F10: variants seen among roughly 807,000 people sequenced by gnomAD.
F10 encodes Stuart-Prower factor.
In F10, 29 loss-of-function variants were observed where a neutral mutation model predicts 37.1. The ratio of observed to expected loss-of-function variants is 0.78; its 90% confidence interval spans 0.58 to 1.07. The LOEUF (loss-of-function observed/expected upper bound fraction) is 1.07, where lower values mean the gene tolerates loss of function less well. Among genes scored for constraint, F10 ranks in the 50% least tolerant of loss-of-function variants. The pLI, the probability that F10 is intolerant of heterozygous loss-of-function variation, is 0.00. For missense variants in F10, 539 were observed against 667.9 expected, an observed-to-expected ratio of 0.81 and a Z score of 2.13; for synonymous variants, 262 against 268.6, an observed-to-expected ratio of 0.98 and a Z score of 0.24.
rs1024026347 is a variant in F10 at position 113,143,289 on chromosome 13, T to C, written c.503-562T>C. ...AGCTTCCTAACATCTCGGCGTGGCC[T>C]CTCTGGGAGCTGTGCTATTCCAGAC... On this transcript the variant is annotated intron_variant, in intron 5 of 7. Coordinates refer to ENST00000375559, the MANE Select transcript of F10 (RefSeq NM_000504.4). The surrounding 1 kb of genome is among the most constrained non-coding windows in gnomAD (Gnocchi z 6.8). 6.6e-6 allele frequency among the ~76,000 whole-genome samples: 1 copy of C among 152,134 alleles called. No individual in the cohort carries two copies. The highest frequency in any genetic ancestry group is 6.5e-5 in the Admixed American group (1 of 15,282).
Position 113,139,313 on chromosome 13 carries a change from G to A in F10, c.257-44G>A, listed in dbSNP as rs375448366. ...ACAGCAAAACTGTTTCCATGATGCC[G>A]GAAACAGCTTGCAGACTCCAGTTTC... is the stretch of plus-strand genomic sequence containing the variant. On this transcript the variant is annotated intron_variant, in intron 3 of 7. Transcript: ENST00000375559. The surrounding 1 kb of genome is among the most constrained non-coding windows in gnomAD (Gnocchi z 5.2). 1.1e-4 allele frequency: 174 copies of A among 1,531,130 alleles called. No individual in the cohort carries two copies. In the African/African-American group the frequency reaches 1.2e-3, roughly 11 times the overall value. 94.8% of individuals were successfully genotyped at this position (1,531,130 alleles called of 1,614,324 possible). A position where few individuals can be genotyped will look rare whatever the true frequency, so the allele number is the denominator to read the frequency against.
In F10 at chr13:113,129,686, T is replaced by C. The variant is rs574835609; in HGVS notation, c.231+74T>C. The C allele has an allele frequency of 1.7e-3, 2,669 of 1,594,812 alleles. 6 individuals carry two copies. The highest frequency in any genetic ancestry group is 2.2e-3 in the Non-Finnish European group (2,506 of 1,164,990). ...CGCCCTCGCTGGCCCCGCTGCTCCG[T>C]CCATCCAGGGGGGCGGCCTGGAGGA... On this transcript the variant is annotated intron_variant, in intron 2 of 7. Coordinates refer to ENST00000375559, the MANE Select transcript of F10 (RefSeq NM_000504.4).
chr13:113,126,744 C>T (rs1454356834), intron 1 of F10, among the ~76,000 whole-genome samples: 2 of 152,216 alleles, frequency 1.3e-5, no homozygotes, highest in Admixed American at 1.3e-4. Context: ...CCAACTGGAG[C>T]CCAGGAGGCC....
rs571544620 is a variant in F10 at position 113,145,121 on chromosome 13, C to T, written c.747+1026C>T. 7.2e-5 allele frequency among the ~76,000 whole-genome samples: 11 copies of T among 152,322 alleles called. No individual in the cohort carries two copies. In the South Asian group the frequency reaches 1.7e-3, roughly 23 times the overall value. On this transcript the variant is annotated intron_variant, in intron 6 of 7. Coordinates refer to ENST00000375559, the MANE Select transcript of F10 (RefSeq NM_000504.4). ...GGTCTCCATCTCCTGACCTGGTGAT[C>T]TGCCCACCTCAGCCTCCCAAAGTGC...
In F10 at chr13:113,140,997, C is replaced by T. The variant is rs2036522393; in HGVS notation, c.449C>T (p.Ser150Phe). Residue 150 changes from serine to phenylalanine, a missense_variant, in exon 5 of 8, where the codon TCC (serine) becomes TTC (phenylalanine). By Grantham distance (155) the Ser-to-Phe change is radical. This residue lies in a region of F10 where 409 missense variants were observed against 547.9 expected (regional missense o/e 0.75). Transcript: ENST00000375559. ...GAGGAACAGAACTCTGTGGTGTGCT[C>T]CTGCGCCCGCGGGTACACCCTGGCT... ...CHEEQNSVVC[S>F]CARGYTLADN... The T allele has an allele frequency of 6.2e-7, 1 of 1,614,104 alleles. No homozygotes were observed. The highest frequency in any genetic ancestry group is 8.5e-7 in the Non-Finnish European group (1 of 1,180,044).
chr13:113,129,718 A>G (rs2036410211), intron 2 of F10, 106 bp downstream of exon 2: 3 of 1,480,198 alleles, frequency 2.0e-6, no homozygotes, highest in African/African-American at 1.4e-5. Context: ...AGGAAGGGGC[A>G]GCGTGCGCGA....
intron 2 of F10, among the ~76,000 whole-genome samples, chr13:113,135,624 C>T (rs1050068823): frequency 2.6e-5 from 4 of 152,142 alleles, no homozygotes; most frequent in Non-Finnish European, 5.9e-5. Flanking sequence ...ATTACATTGT[C>T]GATTAAATTT....
In F10 at chr13:113,149,056, A is replaced by G. The variant is rs942622094; in HGVS notation, c.1006A>G (p.Met336Val). The change falls in exon 8 of 8, where the codon ATG (methionine) becomes GTG (valine). Residue 336 changes from methionine (M) to valine (V), a missense_variant. Met to Val is a conservative substitution (Grantham distance 21). Transcript: ENST00000375559. This position sits in a 1 kb window ranked among gnomAD's most constrained non-coding sequence, Gnocchi z 7.5. ...LRLKTPITFRMNVAPACLPER... is the reference protein window; with the variant it reads ...LRLKTPITFRVNVAPACLPER... ...GCTCAAGACCCCCATCACCTTCCGC[A>G]TGAACGTGGCGCCTGCCTGCCTCCC... The G allele has an allele frequency of 5.0e-6, 8 of 1,613,204 alleles. No homozygotes were observed. The Admixed American group carries it at 5.0e-5, about 10-fold the overall frequency.
chr13:113,148,345 A>AAATATATATATAT (rs1300922846), intron 7 of F10, among the ~76,000 whole-genome samples: 6 of 95,432 alleles, frequency 6.3e-5, no homozygotes, highest in African/African-American at 2.4e-4. Flanking sequence ...AAAAAAAAAA[A>AAATATATATATAT]ATATATATAT....
chr13:113,140,670 T>A (rs2036518989), intron 4 of F10: 1 of 676,704 alleles, frequency 1.5e-6, no homozygotes, highest in Admixed American at 2.0e-5. Flanking sequence ...GTACCGGCCA[T>A]CCCGGAGGTG....
At chr13:113,136,138 T>C (rs924399319) in intron 2 of F10, among the ~76,000 whole-genome samples, 14 of 152,120 alleles carry the variant, frequency 9.2e-5, no homozygotes, top group African/African-American at 3.4e-4. Context: ...TGTGAGAAGA[T>C]ACTCAACATT....
chr13:113,148,265 A>C (rs956323664), intron 7 of F10, among the ~76,000 whole-genome samples: 3 of 149,238 alleles, frequency 2.0e-5, no homozygotes, highest in Admixed American at 6.8e-5. Context: ...CGGGAGGTGG[A>C]GGTTGCAGTG....
In F10 at chr13:113,139,526, T is replaced by C; in HGVS notation, c.370+56T>C. 7.2e-7 allele frequency: 1 copy of C among 1,391,612 alleles called. No homozygotes were observed. Among genetic ancestry groups the C allele is most frequent in the Non-Finnish European group, 1.0e-6 (1 of 979,874 alleles). 86.2% of individuals were successfully genotyped at this position (1,391,612 alleles called of 1,614,324 possible). ...TCAGATGCCCCTGAAGAGTGGCAGG[T>C]GGGCGGGGGAAGAAGTGAAAACGCC... On this transcript the variant is annotated intron_variant, in intron 4 of 7. Transcript: ENST00000375559. This position sits in a 1 kb window ranked among gnomAD's most constrained non-coding sequence, Gnocchi z 5.2.
chr13:113,143,808 CCTCT>C lies in F10; in HGVS notation c.503-38_503-35del. On this transcript the variant is annotated intron_variant, in intron 5 of 7. Transcript: ENST00000375559. The surrounding 1 kb of genome is among the most constrained non-coding windows in gnomAD (Gnocchi z 6.8). ...GGTGAGCTGTGCAGGCTATGGGGAG[CCTCT>C]CTCTGTGCTGAAGGCCCCGGCCGTC... is the stretch of plus-strand genomic sequence containing the variant. The C allele has an allele frequency of 6.2e-7, 1 of 1,606,522 alleles. No individual in the cohort carries two copies. The highest frequency in any genetic ancestry group is 8.5e-7 in the Non-Finnish European group (1 of 1,179,934).
At chr13:113,123,976 AT>A (rs1217616163) in intron 1 of F10, among the ~76,000 whole-genome samples, 3 of 152,172 alleles carry the variant, frequency 2.0e-5, no homozygotes, top group Admixed American at 1.3e-4. Flanking sequence ...GCCCACTGTG[AT>A]GCTTGTGGTG....
intron 1 of F10, among the ~76,000 whole-genome samples, chr13:113,124,679 C>T (rs1279494587): frequency 1.3e-5 from 2 of 152,264 alleles, no homozygotes; most frequent in South Asian, 2.1e-4. Context: ...TAAACGAGCA[C>T]AGCTGTCCTG....
At chr13:113,145,731 A>G (rs909348473) in intron 6 of F10, among the ~76,000 whole-genome samples, 5 of 152,216 alleles carry the variant, frequency 3.3e-5, no homozygotes, top group African/African-American at 9.6e-5. Flanking sequence ...AGCAAGACAG[A>G]GAATGAGAGA....
chr13:113,133,942 C>G (rs1024656956), intron 2 of F10, among the ~76,000 whole-genome samples: 1 of 152,058 alleles, frequency 6.6e-6, no homozygotes, highest in African/African-American at 2.4e-5. Flanking sequence ...TCAATTGATG[C>G]AACAAACAAA....
rs1595088542 is a variant in F10 at position 113,129,721 on chromosome 13, G to C, written c.231+109G>C. 5 of 1,440,998 alleles carry C rather than the reference G, an allele frequency of 3.5e-6. No homozygotes were observed. The East Asian group carries it at 1.1e-4, about 33-fold the overall frequency. 89.3% of individuals were successfully genotyped at this position (1,440,998 alleles called of 1,614,324 possible). A position where few individuals can be genotyped will look rare whatever the true frequency, so the allele number is the denominator to read the frequency against. On this transcript the variant is annotated intron_variant, in intron 2 of 7. Transcript: ENST00000375559. The stretch of plus-strand genomic sequence containing the variant: ...GGGGCGGCCTGGAGGAAGGGGCAGC[G>C]TGCGCGAAGGCTTTCAGGGGCGGGG...
Sources: allele counts gnomAD v4.1 joint callset (sites outside exome capture counted in the v4.1 genomes callset), GRCh38; gene constraint gnomAD v4.1.1; regional missense constraint gnomAD v4.1.1; non-coding constraint Gnocchi (gnomAD v3.1); transcripts MANE v1.5; gene names NCBI Gene and HGNC (gene_info 2026-07-23, HGNC 2026-07-21).